The following TOX variants were observed in gnomAD, a reference collection of about 807,000 sequenced individuals.
TOX encodes thymocyte selection associated high mobility group box, also known as thymocyte selection-associated high mobility group box protein TOX.
TOX carries 11 observed loss-of-function variants against 53.7 expected under a neutral mutation model. That is an observed-to-expected ratio of 0.20 (90% CI 0.13 to 0.34). The LOEUF (loss-of-function observed/expected upper bound fraction) is 0.34. Ranked by LOEUF, TOX falls within the 10% of genes least tolerant of loss-of-function variation. The pLI is 1.00. For synonymous variants in TOX, 225 were observed against 245.3 expected (o/e 0.92, Z 0.77); for missense variants, 570 against 664.6 (o/e 0.86, Z 1.56).
intron 1 of TOX, among the ~76,000 whole-genome samples, chr8:58,961,736 C>T (rs189333590): frequency 1.7e-4 from 26 of 151,032 alleles, no homozygotes; most frequent in Non-Finnish European, 3.5e-4. Context: ...AACTCTTGAC[C>T]TCAGCCTCCC....
chr8:58,860,280 G>A (rs1461162342), intron 3 of TOX, among the ~76,000 whole-genome samples: 1 of 152,008 alleles, frequency 6.6e-6, no homozygotes, highest in Non-Finnish European at 1.5e-5. Flanking sequence ...AATATTTATT[G>A]AGTGCCTGCT....
At chr8:58,834,402 C>G (rs192780556) in intron 5 of TOX, among the ~76,000 whole-genome samples, 1 of 152,302 alleles carries the variant, frequency 6.6e-6, no homozygotes, top group East Asian at 1.9e-4. Context: ...TTTTAATAGT[C>G]TGCCTCGAAT....
intron 3 of TOX, among the ~76,000 whole-genome samples, chr8:58,898,255 C>T (rs994490651): frequency 8.0e-6 from 1 of 124,868 alleles, no homozygotes; most frequent in Non-Finnish European, 1.7e-5. Context: ...TCAAATCAGT[C>T]AAGCTCTCTC....
chr8:58,944,642 T>G (rs944183930), intron 2 of TOX, among the ~76,000 whole-genome samples: 1 of 152,214 alleles, frequency 6.6e-6, no homozygotes, highest in Non-Finnish European at 1.5e-5. Context: ...TGCAGCAAGC[T>G]TAAAAACCAC....
At chr8:58,876,314 A>G (rs145457506) in intron 3 of TOX, among the ~76,000 whole-genome samples, 24 of 152,266 alleles carry the variant, frequency 1.6e-4, no homozygotes, top group African/African-American at 4.1e-4. Context: ...GGGTTAATTC[A>G]GGCTGATATT....
intron 1 of TOX, among the ~76,000 whole-genome samples, chr8:59,048,753 A>G (rs1173593820): frequency 6.6e-6 from 1 of 152,204 alleles, no homozygotes; most frequent in African/African-American, 2.4e-5. Flanking sequence ...TGATACTGGC[A>G]TGCAATGCAT....
intron 5 of TOX, among the ~76,000 whole-genome samples, chr8:58,834,408 C>G (rs1018958222): frequency 6.6e-6 from 1 of 152,162 alleles, no homozygotes; most frequent in South Asian, 2.1e-4. Flanking sequence ...TAGTCTGCCT[C>G]GAATCTGCTC....
At chr8:59,095,193 C>G (rs1804694410) in intron 1 of TOX, among the ~76,000 whole-genome samples, 1 of 151,880 alleles carries the variant, frequency 6.6e-6, no homozygotes, top group Non-Finnish European at 1.5e-5. Flanking sequence ...TAGGATCTAA[C>G]TTGACCTTGC....
chr8:58,912,083 T>A (rs543134994), intron 3 of TOX, among the ~76,000 whole-genome samples: 1 of 152,210 alleles, frequency 6.6e-6, no homozygotes, highest in Non-Finnish European at 1.5e-5. Context: ...TTTCAGAGAG[T>A]ACCACTGAAA....
At chr8:59,021,481 A>AAAAATATATATAT (rs59174995) in intron 1 of TOX, among the ~76,000 whole-genome samples, 134 of 64,646 alleles carry the variant, frequency 2.1e-3, no homozygotes, top group African/African-American at 6.8e-3. Context: ...AAAAAAAAAA[A>AAAAATATATATAT]ATATATATAT....
At chr8:59,036,151 G>A (rs554001956) in intron 1 of TOX, among the ~76,000 whole-genome samples, 8 of 152,336 alleles carry the variant, frequency 5.3e-5, no homozygotes, top group African/African-American at 1.9e-4. Flanking sequence ...GTGGGTAGGG[G>A]ATATTAGAAA....
intron 3 of TOX, among the ~76,000 whole-genome samples, chr8:58,895,801 A>G (rs1811635029): frequency 6.6e-6 from 1 of 152,174 alleles, no homozygotes; most frequent in Non-Finnish European, 1.5e-5. Context: ...CTGGGTTTTA[A>G]TTTTTGTTTT....
At chr8:58,818,109 A>AC (rs1299582106) in intron 6 of TOX, among the ~76,000 whole-genome samples, 1 of 152,166 alleles carries the variant, frequency 6.6e-6, no homozygotes. Flanking sequence ...TTTATTACCA[A>AC]CCTTGTAAAG....
intron 3 of TOX, among the ~76,000 whole-genome samples, chr8:58,857,954 A>G (rs1441654823): frequency 6.6e-6 from 1 of 151,872 alleles, no homozygotes; most frequent in Non-Finnish European, 1.5e-5. Context: ...ATTTTTAGTA[A>G]AGACAGGGTT....
rs1408579144 is a variant in TOX, at chr8:59,118,069, G to C, written c.102+817C>G. 6.6e-6 allele frequency among the ~76,000 whole-genome samples: 1 copy of C among 152,178 alleles called. No individual in the cohort carries two copies. Among genetic ancestry groups the C allele is most frequent in the Non-Finnish European group, 1.5e-5 (1 of 68,026 alleles). ...GCCCAGGCCAGCGCCCCACCTCCGG[G>C]TCACCGGCATGATCCGCCTCTCCCC... On this transcript the variant is annotated intron_variant, in intron 1 of 8. Coordinates refer to ENST00000361421, the MANE Select transcript of TOX (RefSeq NM_014729.3). This position sits in a 1 kb window ranked among gnomAD's most constrained non-coding sequence, Gnocchi z 4.1.
chr8:58,860,229 C>T (rs1374764639), intron 3 of TOX, among the ~76,000 whole-genome samples: 2 of 152,130 alleles, frequency 1.3e-5, no homozygotes, highest in South Asian at 2.1e-4. Flanking sequence ...CTTTAACCCT[C>T]ATTTTTCAAC....
At chr8:59,020,363 G>A (rs768886379) in intron 1 of TOX, among the ~76,000 whole-genome samples, 68 of 152,060 alleles carry the variant, frequency 4.5e-4, no homozygotes, top group Non-Finnish European at 8.8e-4. Flanking sequence ...TGTCCCACCC[G>A]CTGTGAGGAC....
intron 3 of TOX, among the ~76,000 whole-genome samples, chr8:58,934,663 T>G (rs983931936): frequency 6.6e-6 from 1 of 152,222 alleles, no homozygotes; most frequent in Non-Finnish European, 1.5e-5. Context: ...GTAGGCTTAT[T>G]GCAGTCTTTT....
chr8:59,101,128 T>G (rs1804800897), intron 1 of TOX, among the ~76,000 whole-genome samples: 1 of 152,188 alleles, frequency 6.6e-6, no homozygotes, highest in Non-Finnish European at 1.5e-5. Context: ...CACAAGTGAA[T>G]GCAGGGGTAT....
Sources: gnomAD v4.1 joint callset for allele counts (sites outside exome capture counted in the v4.1 genomes callset) on GRCh38, gnomAD v4.1.1 for gene constraint, Gnocchi (gnomAD v3.1) non-coding constraint, MANE v1.5 for transcripts, NCBI Gene and HGNC (gene_info 2026-07-23, HGNC 2026-07-21) for gene names.